LRBA: variants seen among roughly 807,000 people sequenced by gnomAD.
LRBA encodes the protein lipopolysaccharide-responsive and beige-like anchor protein.
LRBA carries 176 observed loss-of-function variants against 330.0 expected under a neutral mutation model. The observed-to-expected ratio is 0.53, with a 90% confidence interval of 0.47 to 0.60. LRBA has a LOEUF of 0.60. Among genes scored for constraint, LRBA ranks in the 20% least tolerant of loss-of-function variants. The pLI is 0.00. For missense variants in LRBA, 3,259 were observed against 3,444.8 expected (o/e 0.95, Z 1.35); for synonymous variants, 1,230 against 1,193.0 (o/e 1.03, Z -0.64).
At chr4:150,786,329 C>T (rs1175580503) in intron 34 of LRBA, among the ~76,000 whole-genome samples, 3 of 151,288 alleles carry the variant, frequency 2.0e-5, no homozygotes, top group African/African-American at 4.9e-5. Context: ...CCGCAAGTTC[C>T]GCCTCCTGGG....
At position 150,458,797 on chromosome 4, in the gene LRBA, TA is replaced by T. The variant is rs5862919; in HGVS notation, c.6780+8875del. Among the ~76,000 whole-genome samples, 843 of 146,304 alleles carry T rather than the reference TA, an allele frequency of 5.8e-3. 5 individuals carry two copies. Among genetic ancestry groups the T allele is most frequent in the African/African-American group, 0.02 (802 of 39,920 alleles). On this transcript the variant is annotated intron_variant, in intron 44 of 56. Coordinates refer to ENST00000651943, the MANE Select transcript of LRBA (RefSeq NM_001364905.1). ...ATATTTATTCTAGTTTTTTTTTTTTTAAAAAAACACTTCTGTTTCATAAATT... is the reference window on the plus strand; with the variant it reads ...ATATTTATTCTAGTTTTTTTTTTTTTAAAAAACACTTCTGTTTCATAAATT...
intron 55 of LRBA, among the ~76,000 whole-genome samples, chr4:150,279,770 G>A (rs1487377844): frequency 3.3e-5 from 5 of 152,204 alleles, no homozygotes; most frequent in Admixed American, 6.5e-5. Flanking sequence ...TTTTCAAGAT[G>A]AGCAAAAATC....
chr4:150,494,924 T>C (rs748282542), intron 40 of LRBA, among the ~76,000 whole-genome samples: 1 of 151,612 alleles, frequency 6.6e-6, no homozygotes, highest in Non-Finnish European at 1.5e-5. Context: ...GGCATGAACC[T>C]GGGAGGCGGA....
intron 30 of LRBA, among the ~76,000 whole-genome samples, chr4:150,827,786 G>C (rs1746488251): frequency 6.6e-6 from 1 of 151,890 alleles, no homozygotes; most frequent in Admixed American, 6.6e-5. Flanking sequence ...ATTTTTAGTA[G>C]AGACTGGGTT....
At chr4:150,266,050 G>A (rs527894264) in intron 56 of LRBA, among the ~76,000 whole-genome samples, 17 of 151,790 alleles carry the variant, frequency 1.1e-4, no homozygotes, top group South Asian at 4.2e-4. Flanking sequence ...GAAAGGGTAC[G>A]GACAGCTGGT....
chr4:150,456,210 T>C (rs1027734114), intron 44 of LRBA, among the ~76,000 whole-genome samples: 1 of 152,152 alleles, frequency 6.6e-6, no homozygotes, highest in African/African-American at 2.4e-5. Flanking sequence ...TGTTGGATCA[T>C]ATGGCAGCTC....
chr4:150,287,421 A>G (rs747687755), intron 53 of LRBA, among the ~76,000 whole-genome samples: 3 of 152,328 alleles, frequency 2.0e-5, no homozygotes, highest in Middle Eastern at 3.4e-3. Context: ...TACTGAATGG[A>G]CAGAGGTCCA....
Position 150,583,736 on chromosome 4 carries a change from AG to A in LRBA, c.6330+4311del. 1 of 1,613,540 alleles carries A rather than the reference AG, an allele frequency of 6.2e-7. No homozygotes were observed. The highest frequency in any genetic ancestry group is 1.7e-5 in the Admixed American group (1 of 59,970). ...GACGCCTGGGTGCTACAGTTCGGGG[AG>A]GCGGAGAACCGCCTGCTGATGGGCG... is the stretch of plus-strand genomic sequence containing the variant. On this transcript the variant is annotated intron_variant, in intron 40 of 56. Coordinates refer to ENST00000651943, the MANE Select transcript of LRBA (RefSeq NM_001364905.1). The surrounding 1 kb of genome is among the most constrained non-coding windows in gnomAD (Gnocchi z 9.8).
intron 14 of LRBA, among the ~76,000 whole-genome samples, chr4:150,898,180 A>G (rs1046502029): frequency 1.3e-5 from 2 of 152,118 alleles, no homozygotes; most frequent in African/African-American, 4.8e-5. Flanking sequence ...AAGTTTACAA[A>G]GAAAAAAACA....
intron 13 of LRBA, among the ~76,000 whole-genome samples, 155 bp from the exon 14 acceptor site, chr4:150,900,372 G>A (rs560523036): frequency 6.6e-6 from 1 of 152,198 alleles, no homozygotes; most frequent in East Asian, 1.9e-4. Context: ...CATACTCACT[G>A]ACACACAAGC....
rs374326357 is a variant in LRBA at position 150,451,101 on chromosome 4, T to C, written c.6781-14237A>G. On this transcript the variant is annotated intron_variant, in intron 44 of 56. Transcript: ENST00000651943. ...AGAACTGAAAGAAAATATAGACAAA[T>C]CTAACTTATAGTTGGAGACTTCAAC... is the stretch of plus-strand genomic sequence containing the variant. Among the ~76,000 whole-genome samples, 19 of 152,090 alleles carry C rather than the reference T, an allele frequency of 1.2e-4. No homozygotes were observed. The East Asian group carries it at 1.7e-3, about 14-fold the overall frequency.
At chr4:150,503,469 C>T (rs1760585438) in intron 40 of LRBA, among the ~76,000 whole-genome samples, 1 of 152,132 alleles carries the variant, frequency 6.6e-6, no homozygotes, top group Non-Finnish European at 1.5e-5. Context: ...CTACCAAACC[C>T]CAACAGTTTG....
At chr4:150,680,087 G>GA (rs1199777757) in intron 37 of LRBA, among the ~76,000 whole-genome samples, 1 of 152,194 alleles carries the variant, frequency 6.6e-6, no homozygotes, top group East Asian at 1.9e-4. Context: ...CCATGCACCG[G>GA]AAAAAAATTA....
chr4:150,397,019 C>T (rs746380893), intron 47 of LRBA, among the ~76,000 whole-genome samples: 10 of 151,946 alleles, frequency 6.6e-5, no homozygotes, highest in Non-Finnish European at 1.2e-4. Context: ...TGAAAAGCAA[C>T]GGAAAGAGAA....
At chr4:150,452,476 G>A (rs900055184) in intron 44 of LRBA, among the ~76,000 whole-genome samples, 13 of 152,092 alleles carry the variant, frequency 8.5e-5, no homozygotes, top group African/African-American at 3.1e-4. Context: ...ACAAAAATTA[G>A]CCGCGTGCGG....
At chr4:150,552,035 G>A (rs551099255) in intron 40 of LRBA, among the ~76,000 whole-genome samples, 3 of 152,100 alleles carry the variant, frequency 2.0e-5, no homozygotes, top group Non-Finnish European at 2.9e-5. Flanking sequence ...TAAGGAGCAC[G>A]CAACCTAGTT....
chr4:150,377,141 A>G lies in LRBA; in HGVS notation c.7195-26982T>C, dbSNP rs868113188. On this transcript the variant is annotated intron_variant, in intron 47 of 56. Transcript: ENST00000651943. The stretch of plus-strand genomic sequence containing the variant: ...GATCCCATCTCCATAAAAATAATGG[A>G]AAAAAAAAAAAAAAAGAAGCTCTTA... 8.2e-5 allele frequency among the ~76,000 whole-genome samples: 7 copies of G among 85,672 alleles called. No homozygotes were observed. In the South Asian group the frequency reaches 8.7e-4, roughly 11 times the overall value. 56.2% of individuals were successfully genotyped at this position (85,672 alleles called of 152,430 possible). A position where few individuals can be genotyped will look rare whatever the true frequency, so the allele number is the denominator to read the frequency against.
intron 16 of LRBA, among the ~76,000 whole-genome samples, chr4:150,893,874 A>C (rs1729767357): frequency 6.6e-6 from 1 of 151,542 alleles, no homozygotes; most frequent in Non-Finnish European, 1.5e-5. Flanking sequence ...ACGGGGTTTC[A>C]CCATATTAGC....
At position 150,264,779 on chromosome 4, in the gene LRBA, C is replaced by T. The variant is rs1243042432; in HGVS notation, c.*943G>A. ...TATACACCACCAAATAACATTGTTT[C>T]GTTTCTTAGTACAAATTGCTAATCA... On this transcript the variant is annotated 3_prime_UTR_variant, in exon 57 of 57. Transcript: ENST00000651943. 2.0e-5 allele frequency: 3 copies of T among 152,640 alleles called. No homozygotes were observed. The highest frequency in any genetic ancestry group is 6.5e-5 in the Admixed American group (1 of 15,284). 9.5% of individuals were successfully genotyped at this position (152,640 alleles called of 1,614,324 possible).
Sources: gnomAD v4.1 joint callset for allele counts (sites outside exome capture counted in the v4.1 genomes callset) on GRCh38, gnomAD v4.1.1 for gene constraint, Gnocchi (gnomAD v3.1) non-coding constraint, MANE v1.5 for transcripts, NCBI Gene and HGNC (gene_info 2026-07-23, HGNC 2026-07-21) for gene names.